The following LRRC9 variants were observed in gnomAD, a reference collection of about 807,000 sequenced individuals.
LRRC9 encodes leucine rich repeat containing 9.
In LRRC9, 122 loss-of-function variants were observed where a neutral mutation model predicts 63.2. The ratio of observed to expected loss-of-function variants is 1.93; its 90% CI spans 1.67 to 2.24. LRRC9 has a LOEUF of 2.24. Ranked by LOEUF, LRRC9 falls within the 30% of genes most tolerant of loss-of-function variation. The pLI, the probability that LRRC9 is intolerant of heterozygous loss-of-function variation, is 0.00. For synonymous variants in LRRC9, 366 were observed against 213.1 expected, an observed-to-expected ratio of 1.72 and a Z score of -6.25; for missense variants, 1,071 against 627.7, an observed-to-expected ratio of 1.71 and a Z score of -7.55.
rs1042304127 is a variant in LRRC9 at position 59,919,888 on chromosome 14, G to C, written c.-34+5G>C. 6.6e-6 allele frequency: 1 copy of C among 152,326 alleles called. No individual in the cohort carries two copies. Among genetic ancestry groups the C allele is most frequent in the African/African-American group, 2.4e-5 (1 of 41,468 alleles). 9.4% of individuals were successfully genotyped at this position (152,326 alleles called of 1,614,324 possible). ...ACGTTCCGCGAACTGGCGAAGGTAA[G>C]TGAAAAGATAAGCGCAGGTACAGAA... On this transcript the variant is annotated splice_donor_5th_base_variant and intron_variant, in intron 1 of 31. Transcript: ENST00000445360. This position sits in a 1 kb window ranked among gnomAD's most constrained non-coding sequence, Gnocchi z 4.5.
intron 23 of LRRC9, among the ~76,000 whole-genome samples, chr14:60,009,661 A>G (rs992763786): frequency 6.6e-6 from 1 of 152,168 alleles, no homozygotes; most frequent in African/African-American, 2.4e-5. Flanking sequence ...TCAGTTCAGC[A>G]TTAGTTCAAA....
intron 10 of LRRC9, among the ~76,000 whole-genome samples, chr14:59,963,486 G>C (rs1177733272): frequency 6.6e-6 from 1 of 151,334 alleles, no homozygotes. Flanking sequence ...TGTCAGCCTG[G>C]TCATAGATAC....
In LRRC9 at chr14:60,063,343, C is replaced by T. The variant is rs1484456994; in HGVS notation, c.4297C>T (p.Gln1433Ter). The change falls in exon 32 of 32, where the codon CAA becomes TAA. Residue 1433 changes from glutamine to a stop codon, truncating the protein, a stop_gained. Coordinates refer to ENST00000445360, the Ensembl canonical transcript of LRRC9. LOFTEE classifies it high-confidence loss of function. ...TACAGAATTTTTGGGAGCAACTTTC[C>T]AAGATCAAATCGAATGTAACTGCCT... 2 of 700,672 alleles carry T rather than the reference C, an allele frequency of 2.9e-6. No homozygotes were observed. Among genetic ancestry groups the T allele is most frequent in the Non-Finnish European group, 5.2e-6 (2 of 384,352 alleles). The allele number at this position is 700,672 out of a possible 1,614,324, so 43.4% of individuals were successfully genotyped here.
At chr14:60,065,054 T>G (rs980302320), downstream of LRRC9, among the ~76,000 whole-genome samples, 1 of 152,216 alleles carries the variant, frequency 6.6e-6, no homozygotes, top group Non-Finnish European at 1.5e-5. Flanking sequence ...TTGTTAAATT[T>G]TGAGCTATTT....
intron 8 of LRRC9, among the ~76,000 whole-genome samples, chr14:59,956,087 G>A (rs1359501257): frequency 6.6e-6 from 1 of 152,110 alleles, no homozygotes; most frequent in Non-Finnish European, 1.5e-5. Context: ...AATATGTGCT[G>A]TGTGTTGCTG....
chr14:59,989,604 C>T (rs1025939529), intron 17 of LRRC9, among the ~76,000 whole-genome samples: 8 of 151,960 alleles, frequency 5.3e-5, no homozygotes, highest in East Asian at 1.9e-4. Flanking sequence ...TGTTTTAAAA[C>T]GGTAGGTTAA....
intron 8 of LRRC9, among the ~76,000 whole-genome samples, chr14:59,954,218 T>C (rs186721549): frequency 1.3e-5 from 2 of 152,324 alleles, no homozygotes; most frequent in Admixed American, 1.3e-4. Flanking sequence ...GGTAGCTTGA[T>C]GGGAATAGCA....
Position 59,931,856 on chromosome 14 carries a change from G to T in LRRC9, c.473-113G>T. ...AATCAGTGGTTACTAATTATACAAT[G>T]GTACCATTAGTCTATTTATATGCAA... On this transcript the variant is annotated intron_variant, in intron 5 of 31. Coordinates refer to ENST00000445360, the Ensembl canonical transcript of LRRC9. The T allele has an allele frequency of 4.8e-6, 3 of 618,646 alleles. No individual in the cohort carries two copies. In the South Asian group the frequency reaches 5.9e-5, roughly 12 times the overall value. 38.3% of individuals were successfully genotyped at this position (618,646 alleles called of 1,614,324 possible).
At position 60,053,922 on chromosome 14, in the gene LRRC9, G is replaced by A. The variant is rs907789072; in HGVS notation, c.4131+717G>A. On this transcript the variant is annotated intron_variant, in intron 30 of 31. Coordinates refer to ENST00000445360, the Ensembl canonical transcript of LRRC9. This position sits in a 1 kb window ranked among gnomAD's most constrained non-coding sequence, Gnocchi z 4.8. ...TGTGGTTTGAGAAAAAAAGAGGCTG[G>A]AGGGAGAAGGGAAACCAGCTCAGAG... 1 of 455,616 alleles carries A rather than the reference G, an allele frequency of 2.2e-6. No homozygotes were observed. Among genetic ancestry groups the A allele is most frequent in the Admixed American group, 2.4e-5 (1 of 42,480 alleles). The allele number at this position is 455,616 out of a possible 1,614,324, so 28.2% of individuals were successfully genotyped here.
At chr14:60,002,746 T>G (rs1889491717) in intron 20 of LRRC9, among the ~76,000 whole-genome samples, 1 of 152,110 alleles carries the variant, frequency 6.6e-6, no homozygotes. Flanking sequence ...GAATTGGAAA[T>G]TTAAGATAAA....
intron 8 of LRRC9, among the ~76,000 whole-genome samples, chr14:59,949,016 G>C (rs1442504098): frequency 1.2e-4 from 12 of 101,364 alleles, no homozygotes; most frequent in African/African-American, 4.8e-4. Flanking sequence ...GAATGATGCT[G>C]GCCTCATAAA....
chr14:59,975,161 ATATG>A, intron 13 of LRRC9, among the ~76,000 whole-genome samples: 1 of 57,936 alleles, frequency 1.7e-5, no homozygotes, highest in African/African-American at 4.1e-5. Context: ...GTATATATAT[ATATG>A]TATATATATA....
At chr14:59,946,219 T>C (rs1882370351) in intron 8 of LRRC9, among the ~76,000 whole-genome samples, 1 of 151,244 alleles carries the variant, frequency 6.6e-6, no homozygotes, top group Non-Finnish European at 1.5e-5. Flanking sequence ...GGTTTTGAAA[T>C]ATATTTAATG....
chr14:60,029,462 T>G (rs1361463858), intron 28 of LRRC9, among the ~76,000 whole-genome samples: 1 of 152,174 alleles, frequency 6.6e-6, no homozygotes, highest in Non-Finnish European at 1.5e-5. Context: ...GATCCATGCC[T>G]TATAATTCTA....
At chr14:60,018,940 G>C (rs2140279545) in intron 25 of LRRC9, among the ~76,000 whole-genome samples, 181 bp from the exon 26 acceptor site, 1 of 151,982 alleles carries the variant, frequency 6.6e-6, no homozygotes, top group South Asian at 2.1e-4. Flanking sequence ...GTGAAGTACT[G>C]TAATTTCCCA....
At chr14:59,951,819 A>G (rs912267361) in intron 8 of LRRC9, among the ~76,000 whole-genome samples, 2 of 152,170 alleles carry the variant, frequency 1.3e-5, no homozygotes, top group African/African-American at 2.4e-5. Context: ...CTCGGGGGTC[A>G]GGGGTCAGGG....
intron 29 of LRRC9, among the ~76,000 whole-genome samples, chr14:60,036,314 T>C (rs1459815568): frequency 2.6e-5 from 4 of 152,182 alleles, no homozygotes; most frequent in Non-Finnish European, 5.9e-5. Flanking sequence ...AGGGTTCACC[T>C]ATTGTTCTCA....
At position 59,979,979 on chromosome 14, in the gene LRRC9, TA is replaced by T. The variant is rs202013354; in HGVS notation, c.1878+1855del. On this transcript the variant is annotated intron_variant, in intron 15 of 31. Coordinates refer to ENST00000445360, the Ensembl canonical transcript of LRRC9. Reference sequence around the variant, plus strand: ...ACTTAAAGTATAATAATAATAAAATTAAAAAAAAGAAAAACTCATCATTTTA... The same window carrying T: ...ACTTAAAGTATAATAATAATAAAATTAAAAAAAGAAAAACTCATCATTTTA... 3.6e-3 allele frequency among the ~76,000 whole-genome samples: 548 copies of T among 151,532 alleles called. 18 individuals carry two copies. The East Asian group carries it at 0.058, about 16-fold the overall frequency.
At chr14:59,953,652 C>T (rs1490930076) in intron 8 of LRRC9, among the ~76,000 whole-genome samples, 1 of 152,088 alleles carries the variant, frequency 6.6e-6, no homozygotes, top group Non-Finnish European at 1.5e-5. Context: ...TGTGCAGAAG[C>T]TCTTTAGTTT....
Sources: gnomAD v4.1 joint callset for allele counts (sites outside exome capture counted in the v4.1 genomes callset) on GRCh38, gnomAD v4.1.1 for gene constraint, Gnocchi (gnomAD v3.1) non-coding constraint, MANE v1.5 for transcripts, NCBI Gene and HGNC (gene_info 2026-07-23, HGNC 2026-07-21) for gene names.